The following ATP6V0A2 variants were observed in gnomAD, a reference collection of about 807,000 sequenced individuals.
ATP6V0A2 encodes V-type proton ATPase 116 kDa subunit a 2.
Under a neutral mutation model 104.4 loss-of-function variants are expected in ATP6V0A2, and 58 were observed. The ratio of observed to expected loss-of-function variants is 0.56; its 90% CI spans 0.45 to 0.69. ATP6V0A2 has a LOEUF of 0.69. Ranked by LOEUF, ATP6V0A2 falls within the 30% of genes least tolerant of loss-of-function variation. The pLI is 0.00. For missense variants in ATP6V0A2, 938 were observed against 1,062.9 expected (o/e 0.88, Z 1.63); for synonymous variants, 376 against 397.9 (o/e 0.95, Z 0.65).
At chr12:123,717,446 C>G in intron 1 of ATP6V0A2, among the ~76,000 whole-genome samples, 1 of 140,938 alleles carries the variant, frequency 7.1e-6, no homozygotes, top group Non-Finnish European at 1.5e-5. Flanking sequence ...TTCTTTCTTT[C>G]TTTTTTTTTT....
intron 18 of ATP6V0A2, 125 bp downstream of exon 18, chr12:123,754,662 C>A: frequency 1.4e-6 from 1 of 730,840 alleles, no homozygotes. Flanking sequence ...GCCACGTGAA[C>A]TTACACTATT....
intron 9 of ATP6V0A2, among the ~76,000 whole-genome samples, chr12:123,743,288 C>T (rs1199827113): frequency 1.3e-5 from 2 of 152,184 alleles, no homozygotes; most frequent in Admixed American, 1.3e-4. Context: ...TTCCTCCAGG[C>T]CCTCTGGCTG....
intron 17 of ATP6V0A2, among the ~76,000 whole-genome samples, chr12:123,753,476 G>A (rs1016762613): frequency 1.3e-5 from 2 of 152,236 alleles, no homozygotes; most frequent in African/African-American, 2.4e-5. Context: ...TCGGCACAGG[G>A]CCTTTCCTCT....
chr12:123,744,629 C>A lies in ATP6V0A2; in HGVS notation c.1359C>A (p.Ile453=), dbSNP rs773505452. The A allele has an allele frequency of 6.2e-6, 10 of 1,613,626 alleles. No individual in the cohort carries two copies. The highest frequency in any genetic ancestry group is 8.5e-6 in the Non-Finnish European group (10 of 1,180,038). ...GGATGTTTTTTAATGGCCGGTACATCCTCCTGCTGATGGGGCTGTTCTCAG... is the reference window on the plus strand; with the variant it reads ...GGATGTTTTTTAATGGCCGGTACATACTCCTGCTGATGGGGCTGTTCTCAG... ...IMRMFFNGRY[I]LLLMGLFSVY... is the part of the protein sequence containing the mutation. Residue 453 remains isoleucine, a synonymous_variant, in exon 12 of 20, where the codon ATC becomes ATA. Coordinates refer to ENST00000330342, the MANE Select transcript of ATP6V0A2 (RefSeq NM_012463.4). The surrounding 1 kb of genome is among the most constrained non-coding windows in gnomAD (Gnocchi z 5.4).
chr12:123,751,144 C>T lies in ATP6V0A2; in HGVS notation c.1970C>T (p.Ala657Val), dbSNP rs147641581. Residue 657 changes from alanine (A) to valine (V), a missense_variant, in exon 16 of 20, where the codon GCA becomes GTA. By Grantham distance (64) the Ala-to-Val change is moderately conservative. Coordinates refer to ENST00000330342, the MANE Select transcript of ATP6V0A2 (RefSeq NM_012463.4). ...YVQRVLLVVT[A>V]LSVPVLFLGK... ...CAGAGAGTGCTGCTGGTTGTCACAG[C>T]ATTGTCTGTCCCTGTCCTCTTCTTG... 124 of 1,614,160 alleles carry T rather than the reference C, an allele frequency of 7.7e-5. No individual in the cohort carries two copies. The African/African-American group carries it at 1.6e-3, about 21-fold the overall frequency.
chr12:123,733,971 G>C lies in ATP6V0A2; in HGVS notation c.694G>C (p.Glu232Gln). ...WYVFLISFWG[E>Q]QIGHKVKKIC... ...TGTCTTTTTAATATCCTTTTGGGGA[G>C]AGCAGATTGGCCACAAGGTTAAGAA... The change falls in exon 7 of 20, where the codon GAG (glutamate) becomes CAG (glutamine). Residue 232 changes from glutamate (E) to glutamine (Q), a missense_variant. By Grantham distance (29) the Glu-to-Gln change is conservative (BLOSUM62 2). Coordinates refer to ENST00000330342, the MANE Select transcript of ATP6V0A2 (RefSeq NM_012463.4). The C allele has an allele frequency of 6.2e-7, 1 of 1,613,554 alleles. No individual in the cohort carries two copies. Among genetic ancestry groups the C allele is most frequent in the South Asian group, 1.1e-5 (1 of 91,060 alleles).
Position 123,720,980 on chromosome 12 carries a change from T to C in ATP6V0A2, c.197-1371T>C, listed in dbSNP as rs1441522003. Among the ~76,000 whole-genome samples, 5 of 150,896 alleles carry C rather than the reference T, an allele frequency of 3.3e-5. No individual in the cohort carries two copies. The East Asian group carries it at 9.6e-4, about 29-fold the overall frequency. On this transcript the variant is annotated intron_variant, in intron 2 of 19. Transcript: ENST00000330342. ...GCTATCTTGGTAAGACAGTTTCTTTTCTTTTTCTTTTTGTTTTTCCTCCTT... is the reference window on the plus strand; with the variant it reads ...GCTATCTTGGTAAGACAGTTTCTTTCCTTTTTCTTTTTGTTTTTCCTCCTT...
intron 5 of ATP6V0A2, among the ~76,000 whole-genome samples, chr12:123,727,188 T>A (rs1956455756): frequency 6.6e-6 from 1 of 152,154 alleles, no homozygotes; most frequent in Non-Finnish European, 1.5e-5. Flanking sequence ...GGCTCCTGCA[T>A]CCCATGCTGG....
intron 14 of ATP6V0A2, among the ~76,000 whole-genome samples, chr12:123,748,168 C>G (rs546842582): frequency 6.6e-6 from 1 of 152,138 alleles, no homozygotes; most frequent in Non-Finnish European, 1.5e-5. Flanking sequence ...TCTAACTAGA[C>G]CTGTTCATTC....
rs757645572 is a variant in ATP6V0A2, at chr12:123,743,910, C to T, written c.1164C>T (p.Val388=). 1.6e-5 allele frequency: 26 copies of T among 1,613,988 alleles called. No homozygotes were observed. In the Admixed American group the frequency reaches 2.3e-4, roughly 14 times the overall value. ...AGAACATCGTGGATGCTTATGGAGT[C>T]GGAAGCTACAGAGAAGTCAATCCAG... ...GFQNIVDAYG[V]GSYREVNPAL... is the part of the protein sequence containing the mutation. The change falls in exon 10 of 20, where the codon GTC becomes GTT. Residue 388 remains valine, a synonymous_variant. Transcript: ENST00000330342.
intron 2 of ATP6V0A2, among the ~76,000 whole-genome samples, chr12:123,719,083 T>C (rs1039936055): frequency 6.6e-6 from 1 of 152,242 alleles, no homozygotes; most frequent in Non-Finnish European, 1.5e-5. Context: ...TTGTAGTTTA[T>C]TATAACTTAA....
chr12:123,758,022 G>A lies in ATP6V0A2; in HGVS notation c.2561G>A (p.Ser854Asn). The change falls in exon 20 of 20, where the codon AGT (serine) becomes AAT (asparagine). Residue 854 changes from serine to asparagine, a missense_variant. Coordinates refer to ENST00000330342, the MANE Select transcript of ATP6V0A2 (RefSeq NM_012463.4). ...TCATCAAAGTTCAATAACGACGACAGTGTGGCATGATCATATTGCTGTAAC... is the reference window on the plus strand; with the variant it reads ...TCATCAAAGTTCAATAACGACGACAATGTGGCATGATCATATTGCTGTAAC... Reference protein sequence around the residue: ...LLSSKFNNDDSVA With the variant: ...LLSSKFNNDDNVA 1 of 1,608,948 alleles carries A rather than the reference G, an allele frequency of 6.2e-7. No individual in the cohort carries two copies. The highest frequency in any genetic ancestry group is 1.3e-5 in the African/African-American group (1 of 74,856).
At chr12:123,752,798 G>A (rs1956727913) in intron 17 of ATP6V0A2, among the ~76,000 whole-genome samples, 1 of 152,210 alleles carries the variant, frequency 6.6e-6, no homozygotes, top group Admixed American at 6.5e-5. Context: ...CAGAGGTAGA[G>A]TTGGTTTCAG....
chr12:123,738,048 A>T (rs949739178), intron 9 of ATP6V0A2, among the ~76,000 whole-genome samples: 2 of 152,176 alleles, frequency 1.3e-5, no homozygotes, highest in Non-Finnish European at 2.9e-5. Flanking sequence ...ACTGATTTTG[A>T]TAGATGTTGT....
At chr12:123,754,910 T>G in intron 18 of ATP6V0A2, 1 of 281,128 alleles carries the variant, frequency 3.6e-6, no homozygotes, top group Non-Finnish European at 6.9e-6. Flanking sequence ...ACTGCTGCCT[T>G]ACCAAGTGTG....
At position 123,758,200 on chromosome 12, in the gene ATP6V0A2, G is replaced by T; in HGVS notation, c.*168G>T. ...CTCTTCCTCATATGTTAAATATTTT[G>T]TAAAGTTTACCAATTTGAGATATAA... On this transcript the variant is annotated 3_prime_UTR_variant, in exon 20 of 20. Coordinates refer to ENST00000330342, the MANE Select transcript of ATP6V0A2 (RefSeq NM_012463.4). 2.1e-6 allele frequency: 1 copy of T among 479,274 alleles called. No homozygotes were observed. The highest frequency in any genetic ancestry group is 4.1e-5 in the South Asian group (1 of 24,216). The allele number at this position is 479,274 out of a possible 1,614,324, so 29.7% of individuals were successfully genotyped here. A position where few individuals can be genotyped will look rare whatever the true frequency, so the allele number is the denominator to read the frequency against.
At position 123,744,158 on chromosome 12, in the gene ATP6V0A2, A is replaced by G. The variant is rs770935279; in HGVS notation, c.1190-43A>G. On this transcript the variant is annotated intron_variant, in intron 10 of 19. Transcript: ENST00000330342. The surrounding 1 kb of genome is among the most constrained non-coding windows in gnomAD (Gnocchi z 5.4). ...GTGTTTGAATGAACTCAGGTTTTCC[A>G]TATTTGCTGTGAATCAGAAATCTCT... 20 of 1,613,594 alleles carry G rather than the reference A, an allele frequency of 1.2e-5. No individual in the cohort carries two copies. Among genetic ancestry groups the G allele is most frequent in the East Asian group, 2.2e-5 (1 of 44,874 alleles).
In ATP6V0A2 at chr12:123,726,177, T is replaced by A. The variant is rs755112504; in HGVS notation, c.433-20T>A. ...GTCACTTTTAATGAGACACACTTGGTTTCATATGTTTATTTCTAGTTTGAA... is the reference window on the plus strand; with the variant it reads ...GTCACTTTTAATGAGACACACTTGGATTCATATGTTTATTTCTAGTTTGAA... On this transcript the variant is annotated intron_variant, in intron 4 of 19. Coordinates refer to ENST00000330342, the MANE Select transcript of ATP6V0A2 (RefSeq NM_012463.4). 13 of 1,555,986 alleles carry A rather than the reference T, an allele frequency of 8.4e-6. No individual in the cohort carries two copies. The highest frequency in any genetic ancestry group is 1.1e-5 in the Non-Finnish European group (12 of 1,127,426).
At chr12:123,717,433 CTTTTCTTTCTTTCTTTTT>C (rs1342959157) in intron 1 of ATP6V0A2, among the ~76,000 whole-genome samples, 5 of 120,008 alleles carry the variant, frequency 4.2e-5, no homozygotes, top group Non-Finnish European at 8.8e-5. Context: ...AATTTCTTTT[CTTTTCTTTCTTTCTTTTT>C]TTTTTTTTTT....
Sources: gnomAD v4.1 joint callset for allele counts (sites outside exome capture counted in the v4.1 genomes callset) on GRCh38, gnomAD v4.1.1 for gene constraint, Gnocchi (gnomAD v3.1) non-coding constraint, MANE v1.5 for transcripts, NCBI Gene and HGNC (gene_info 2026-07-23, HGNC 2026-07-21) for gene names.